The following CNST variants were observed in gnomAD, a reference collection of about 807,000 sequenced individuals.
CNST encodes the protein consortin, connexin sorting protein, also known as consortin.
In CNST, 39 loss-of-function variants were observed where a neutral mutation model predicts 72.4. That is an observed-to-expected ratio of 0.54 (90% confidence interval 0.42 to 0.70). The LOEUF (loss-of-function observed/expected upper bound fraction) is 0.70. Among genes scored for constraint, CNST ranks in the 30% least tolerant of loss-of-function variants. The pLI is 0.00. For missense variants in CNST, 871 were observed against 868.5 expected (o/e 1.00, Z -0.04); for synonymous variants, 332 against 320.1 (o/e 1.04, Z -0.40).
rs749100984 is a variant in CNST at position 246,631,973 on chromosome 1, C to G, written c.616+49C>G. ...AGAAATTTTTAGAACTCTTACAGAA[C>G]CATTCATTTTTTTTAATTGAAGTAT... On this transcript the variant is annotated intron_variant, in intron 4 of 10. Coordinates refer to ENST00000366513, the MANE Select transcript of CNST (RefSeq NM_152609.3). The G allele has an allele frequency of 4.6e-6, 5 of 1,095,820 alleles. No homozygotes were observed. In the South Asian group the frequency reaches 6.9e-5, roughly 15 times the overall value. 67.9% of individuals were successfully genotyped at this position (1,095,820 alleles called of 1,614,324 possible).
intron 1 of CNST, among the ~76,000 whole-genome samples, chr1:246,579,644 A>G (rs949159414): frequency 8.5e-5 from 13 of 152,120 alleles, no homozygotes; most frequent in African/African-American, 3.1e-4. Flanking sequence ...AATTCCAGCT[A>G]CTTGGGAGGC....
chr1:246,593,319 CT>C (rs74163465), intron 2 of CNST, among the ~76,000 whole-genome samples: 21,617 of 143,086 alleles, frequency 0.15, 2,067 homozygotes, highest in East Asian at 0.42. Context: ...GATATGAAAG[CT>C]TTTTTTTTTT....
intron 1 of CNST, among the ~76,000 whole-genome samples, chr1:246,581,550 A>G (rs1358652041): frequency 1.3e-5 from 2 of 152,256 alleles, no homozygotes; most frequent in East Asian, 3.8e-4. Context: ...GGCGTGAGCC[A>G]TCACACCCGG....
intron 2 of CNST, among the ~76,000 whole-genome samples, chr1:246,604,679 A>G (rs1200287086): frequency 6.6e-6 from 1 of 150,682 alleles, no homozygotes; most frequent in Non-Finnish European, 1.5e-5. Context: ...ATTTATTGTT[A>G]TTATTTTGAG....
At chr1:246,639,165 T>C (rs1207154938) in intron 6 of CNST, among the ~76,000 whole-genome samples, 1 of 151,844 alleles carries the variant, frequency 6.6e-6, no homozygotes, top group Non-Finnish European at 1.5e-5. Flanking sequence ...GGTTAGAACA[T>C]GTAGTGCAAC....
chr1:246,631,919 A>C lies in CNST; in HGVS notation c.611A>C (p.Glu204Ala). 1 of 1,546,236 alleles carries C rather than the reference A, an allele frequency of 6.5e-7. No individual in the cohort carries two copies. Among genetic ancestry groups the C allele is most frequent in the Non-Finnish European group, 8.8e-7 (1 of 1,132,066 alleles). The change falls in exon 4 of 11, where the codon GAG (glutamate) becomes GCG (alanine). Residue 204 changes from glutamate to alanine, a missense_variant. Transcript: ENST00000366513. ...HQIAESYFQEEDYEKAMKFIQ... is the reference protein window; with the variant it reads ...HQIAESYFQEADYEKAMKFIQ... ...ATAGCAGAATCCTATTTCCAGGAGG[A>C]GGACTGTATCCTTTTCTTAATTACA...
intron 9 of CNST, among the ~76,000 whole-genome samples, chr1:246,659,397 A>G (rs534742967): frequency 2.6e-5 from 4 of 152,260 alleles, no homozygotes; most frequent in East Asian, 3.9e-4. Flanking sequence ...GATCGAGACC[A>G]TCCTGGCTAA....
At chr1:246,608,166 A>G (rs1663039912) in intron 2 of CNST, 1 of 150,872 alleles carries the variant, frequency 6.6e-6, no homozygotes, top group Non-Finnish European at 1.5e-5. Flanking sequence ...AAAAAAAACA[A>G]ATAAATAAAT....
At chr1:246,592,229 C>T (rs559776765) in intron 2 of CNST, among the ~76,000 whole-genome samples, 9 of 152,290 alleles carry the variant, frequency 5.9e-5, no homozygotes, top group Non-Finnish European at 2.9e-5. Flanking sequence ...TGGCTCACGC[C>T]TGTAATTAGC....
At chr1:246,664,598 T>C (rs559360811) in intron 10 of CNST, among the ~76,000 whole-genome samples, 1 of 152,174 alleles carries the variant, frequency 6.6e-6, no homozygotes, top group Non-Finnish European at 1.5e-5. Flanking sequence ...AGCTGATTTT[T>C]TATATTTTTA....
At chr1:246,597,881 A>G (rs1376736297) in intron 2 of CNST, among the ~76,000 whole-genome samples, 1 of 152,204 alleles carries the variant, frequency 6.6e-6, no homozygotes, top group East Asian at 1.9e-4. Context: ...CTTAGAATGA[A>G]TGACTCTGTA....
chr1:246,663,740 C>CA (rs1029909968), intron 10 of CNST, among the ~76,000 whole-genome samples: 3,102 of 140,040 alleles, frequency 0.022, 94 homozygotes, highest in African/African-American at 0.069. Context: ...GACTCTGTCT[C>CA]AAAAAAAAAA....
intron 9 of CNST, among the ~76,000 whole-genome samples, chr1:246,654,192 G>C (rs1558595860): frequency 6.6e-6 from 1 of 152,182 alleles, no homozygotes; most frequent in Non-Finnish European, 1.5e-5. Context: ...TGGGGTCTCA[G>C]ACTATACCGT....
intron 9 of CNST, among the ~76,000 whole-genome samples, chr1:246,659,764 ATG>A (rs1435736257): frequency 2.0e-5 from 3 of 152,232 alleles, no homozygotes; most frequent in African/African-American, 7.2e-5. Context: ...TAAGCTTCAT[ATG>A]TTCATTTGTT....
At chr1:246,648,320 G>A (rs2103136684) in intron 9 of CNST, 2 of 808,014 alleles carry the variant, frequency 2.5e-6, no homozygotes, top group South Asian at 8.8e-5. Context: ...TGACTGTTAT[G>A]TGGCAGTTCC....
chr1:246,628,028 A>G (rs1038825605), intron 3 of CNST, among the ~76,000 whole-genome samples: 3 of 152,060 alleles, frequency 2.0e-5, no homozygotes, highest in Non-Finnish European at 4.4e-5. Flanking sequence ...AAGTCCCAAA[A>G]CTGAAGAATT....
intron 2 of CNST, among the ~76,000 whole-genome samples, chr1:246,610,658 TC>T (rs1663255285): frequency 6.6e-6 from 1 of 152,196 alleles, no homozygotes; most frequent in African/African-American, 2.4e-5. Context: ...GTGTTTCTTT[TC>T]CAGTCTTTCA....
intron 1 of CNST, among the ~76,000 whole-genome samples, chr1:246,587,587 A>C (rs1028845075): frequency 6.6e-6 from 1 of 152,234 alleles, no homozygotes; most frequent in African/African-American, 2.4e-5. Flanking sequence ...TTTAAAACCA[A>C]ATAAGCACAA....
intron 6 of CNST, among the ~76,000 whole-genome samples, chr1:246,638,919 C>G (rs1665490516): frequency 6.6e-6 from 1 of 152,074 alleles, no homozygotes; most frequent in African/African-American, 2.4e-5. Context: ...ATAGAGCATA[C>G]AGTTGAAGGA....
Sources: gnomAD v4.1 joint callset for allele counts (sites outside exome capture counted in the v4.1 genomes callset) on GRCh38, gnomAD v4.1.1 for gene constraint, MANE v1.5 for transcripts, NCBI Gene and HGNC (gene_info 2026-07-23, HGNC 2026-07-21) for gene names.